The following UNC79 variants were observed in gnomAD, a reference collection of about 807,000 sequenced individuals.
UNC79 encodes unc-79 subunit of NALCN channel complex, also known as protein unc-79 homolog.
Under a neutral mutation model 283.1 loss-of-function variants are expected in UNC79, and 37 were observed. The observed-to-expected ratio is 0.13, with a 90% confidence interval of 0.10 to 0.17. The LOEUF (loss-of-function observed/expected upper bound fraction) is 0.17, where lower values mean the gene tolerates loss of function less well. Among genes scored for constraint, UNC79 ranks in the 10% least tolerant of loss-of-function variants. UNC79 has a pLI of 1.00. For synonymous variants in UNC79, 1,107 were observed against 1,200.2 expected (o/e 0.92, Z 1.61); for missense variants, 2,272 against 3,211.1 (o/e 0.71, Z 7.07).
At chr14:93,404,493 A>AAAATATATATATATAT in intron 1 of UNC79, among the ~76,000 whole-genome samples, 4 of 61,508 alleles carry the variant, frequency 6.5e-5, no homozygotes, top group African/African-American at 2.7e-4. Context: ...TTCTAAAAAA[A>AAAATATATATATATAT]ATATATATAT....
intron 26 of UNC79, 29 bp from the exon 27 acceptor site, chr14:93,604,866 AT>A (rs2065772330): frequency 6.5e-7 from 1 of 1,548,920 alleles, no homozygotes; most frequent in Admixed American, 1.9e-5. Context: ...TGTAATGCTT[AT>A]TTAAATAGAG....
Position 93,602,158 on chromosome 14 carries a change from T to G in UNC79, c.3575-1081T>G, listed in dbSNP as rs1473206696. ...TTTGTTGCATTTGCTTTTGAGTACT[T>G]GGTCATGAACTCTTTGCCTAAGTCA... On this transcript the variant is annotated intron_variant, in intron 25 of 48. Coordinates refer to ENST00000555664, the Ensembl canonical transcript of UNC79. Among the ~76,000 whole-genome samples, 3 of 152,318 alleles carry G rather than the reference T, an allele frequency of 2.0e-5. No homozygotes were observed. The East Asian group carries it at 5.8e-4, about 29-fold the overall frequency.
intron 1 of UNC79, among the ~76,000 whole-genome samples, chr14:93,375,561 G>A (rs1038969970): frequency 1.3e-5 from 2 of 152,102 alleles, no homozygotes; most frequent in Non-Finnish European, 2.9e-5. Flanking sequence ...GGTTTAATTG[G>A]CTCACAGTTC....
chr14:93,531,200 AT>A lies in UNC79; in HGVS notation c.1094-1349del, dbSNP rs1435288519. Among the ~76,000 whole-genome samples, 2 of 152,236 alleles carry A rather than the reference AT, an allele frequency of 1.3e-5. No homozygotes were observed. Among genetic ancestry groups the A allele is most frequent in the Non-Finnish European group, 2.9e-5 (2 of 68,044 alleles). Reference sequence around the variant, plus strand: ...TACAGACATGTGACACTAACCTCAGATGATTTAAGATAAACTCTAGGATATC... The same window carrying A: ...TACAGACATGTGACACTAACCTCAGAGATTTAAGATAAACTCTAGGATATC... On this transcript the variant is annotated intron_variant, in intron 10 of 48. Transcript: ENST00000555664. The surrounding 1 kb of genome is among the most constrained non-coding windows in gnomAD (Gnocchi z 4.2).
At chr14:93,402,258 CAG>C (rs1350446356) in intron 1 of UNC79, among the ~76,000 whole-genome samples, 1 of 108,544 alleles carries the variant, frequency 9.2e-6, no homozygotes, top group Non-Finnish European at 1.7e-5. Flanking sequence ...GCCTGAGTGA[CAG>C]AGTGAGACTC....
intron 1 of UNC79, among the ~76,000 whole-genome samples, chr14:93,363,125 C>A (rs2054259263): frequency 6.6e-6 from 1 of 152,146 alleles, no homozygotes; most frequent in Non-Finnish European, 1.5e-5. Flanking sequence ...CTTCTTAACA[C>A]TGCTTTAGCT....
Position 93,688,783 on chromosome 14 carries a change from A to G in UNC79, c.7028A>G (p.Lys2343Arg), listed in dbSNP as rs761754419. 2 of 1,613,956 alleles carry G rather than the reference A, an allele frequency of 1.2e-6. No individual in the cohort carries two copies. The highest frequency in any genetic ancestry group is 2.7e-5 in the African/African-American group (2 of 74,886). The stretch of plus-strand genomic sequence containing the variant: ...TCACGGGGCAACCACAGAGATAACA[A>G]AGCTGTGATCCGCTATCTGCCTTGG... The change falls in exon 44 of 49, where the codon AAA becomes AGA. Residue 2343 changes from lysine (K) to arginine (R), a missense_variant. By Grantham distance (26) the Lys-to-Arg change is conservative (BLOSUM62 2). Transcript: ENST00000555664. The surrounding 1 kb of genome is among the most constrained non-coding windows in gnomAD (Gnocchi z 4.0).
intron 31 of UNC79, among the ~76,000 whole-genome samples, chr14:93,634,095 G>A (rs1037662737): frequency 7.9e-5 from 12 of 151,914 alleles, no homozygotes; most frequent in African/African-American, 2.7e-4. Flanking sequence ...ATGTACACAC[G>A]CACACATACA....
chr14:93,655,202 G>A lies in UNC79; in HGVS notation c.6283-32G>A, dbSNP rs148018835. ...CGCTATGCATTCCCGTGCTGTTTCA[G>A]CAGTTGATGGCCTATGCTTTTGTGT... On this transcript the variant is annotated intron_variant, in intron 37 of 48. Transcript: ENST00000555664. 545 of 1,607,494 alleles carry A rather than the reference G, an allele frequency of 3.4e-4. 2 individuals are homozygous for A. In the African/African-American group the frequency reaches 6.7e-3, roughly 20 times the overall value.
intron 47 of UNC79, among the ~76,000 whole-genome samples, chr14:93,703,289 T>A (rs1258731819): frequency 6.6e-6 from 1 of 152,212 alleles, no homozygotes; most frequent in East Asian, 1.9e-4. Flanking sequence ...ATGTATTCCC[T>A]GGAAGTTCTG....
At chr14:93,423,916 G>A (rs1468236116) in intron 1 of UNC79, among the ~76,000 whole-genome samples, 1 of 152,138 alleles carries the variant, frequency 6.6e-6, no homozygotes, top group East Asian at 1.9e-4. Flanking sequence ...AATCAACATA[G>A]TGAAGGGCTA....
chr14:93,539,141 G>A (rs1279576880), intron 12 of UNC79, among the ~76,000 whole-genome samples: 3 of 150,168 alleles, frequency 2.0e-5, no homozygotes, highest in Non-Finnish European at 3.0e-5. Flanking sequence ...GACCTCAGAT[G>A]ATCCACCCGC....
intron 1 of UNC79, among the ~76,000 whole-genome samples, chr14:93,353,487 C>CT (rs2054020075): frequency 6.6e-6 from 1 of 152,176 alleles, no homozygotes; most frequent in Non-Finnish European, 1.5e-5. Context: ...CTTAGCCTCT[C>CT]TTTTTTTCTG....
chr14:93,685,779 G>A (rs139598184), intron 42 of UNC79, among the ~76,000 whole-genome samples: 36 of 152,278 alleles, frequency 2.4e-4, no homozygotes, highest in African/African-American at 6.5e-4. Flanking sequence ...CTTTGATATA[G>A]CAGCCTGCTT....
At chr14:93,655,853 G>C (rs551834951) in intron 38 of UNC79, among the ~76,000 whole-genome samples, 10 of 152,224 alleles carry the variant, frequency 6.6e-5, no homozygotes, top group Admixed American at 2.0e-4. Context: ...CTGCTTGACT[G>C]TTACCCCCTA....
exon 46 of UNC79, chr14:93,691,870 C>A (rs141618022): frequency 1.2e-6 from 2 of 1,614,174 alleles, no homozygotes; most frequent in Non-Finnish European, 1.7e-6. Context: ...TTCAGCTTCA[C>A]GGCGATACTG....
At chr14:93,601,077 T>G (rs969687189) in intron 25 of UNC79, among the ~76,000 whole-genome samples, 1 of 152,196 alleles carries the variant, frequency 6.6e-6, no homozygotes, top group Non-Finnish European at 1.5e-5. Flanking sequence ...GGAAGCATAT[T>G]TGCACCTTGC....
chr14:93,648,579 G>A (rs960815906), intron 35 of UNC79, among the ~76,000 whole-genome samples: 5 of 152,156 alleles, frequency 3.3e-5, no homozygotes, highest in South Asian at 2.1e-4. Flanking sequence ...CTGGGTGGGC[G>A]GGTGTGGCAT....
At position 93,621,164 on chromosome 14, in the gene UNC79, T is replaced by C; in HGVS notation, c.4388-457T>C. On this transcript the variant is annotated intron_variant, in intron 29 of 48. Transcript: ENST00000555664. This position sits in a 1 kb window ranked among gnomAD's most constrained non-coding sequence, Gnocchi z 4.8. ...AATACCGTTGATTTATATATATGTA[T>C]GCACAAACAGTATATATATATACAC... 2.8e-6 allele frequency: 1 copy of C among 358,534 alleles called. No homozygotes were observed. The highest frequency in any genetic ancestry group is 5.5e-6 in the Non-Finnish European group (1 of 182,718). 22.2% of individuals were successfully genotyped at this position (358,534 alleles called of 1,614,324 possible).
Sources: allele counts gnomAD v4.1 joint callset (sites outside exome capture counted in the v4.1 genomes callset), GRCh38; gene constraint gnomAD v4.1.1; non-coding constraint Gnocchi (gnomAD v3.1); transcripts MANE v1.5; gene names NCBI Gene and HGNC (gene_info 2026-07-23, HGNC 2026-07-21).